The following KCNJ6 variants were observed in gnomAD, a reference collection of about 807,000 sequenced individuals.
KCNJ6 encodes potassium inwardly rectifying channel subfamily J member 6.
In KCNJ6, 9 loss-of-function variants were observed where a neutral mutation model predicts 34.2. That is an observed-to-expected ratio of 0.26 (90% CI 0.16 to 0.46). The LOEUF is 0.46. Ranked by LOEUF, KCNJ6 falls within the 20% of genes least tolerant of loss-of-function variation. The pLI is 1.00. For missense variants in KCNJ6, 236 were observed against 531.3 expected, an observed-to-expected ratio of 0.44 and a Z score of 5.46; for synonymous variants, 196 against 207.1, an observed-to-expected ratio of 0.95 and a Z score of 0.46.
At chr21:37,648,366 G>C (rs1293828756) in intron 3 of KCNJ6, among the ~76,000 whole-genome samples, 1 of 152,200 alleles carries the variant, frequency 6.6e-6, no homozygotes, top group Non-Finnish European at 1.5e-5. Context: ...TTCTCGGAAA[G>C]ATGATGGGGA....
At chr21:37,720,466 G>GAGTC (rs3988670) in intron 2 of KCNJ6, among the ~76,000 whole-genome samples, 37,943 of 151,862 alleles carry the variant, frequency 0.25, 4,836 homozygotes, top group East Asian at 0.36. Flanking sequence ...AGGACAAGTC[G>GAGTC]AGTCAGCTAT....
intron 2 of KCNJ6, among the ~76,000 whole-genome samples, chr21:37,732,049 C>T (rs979276102): frequency 6.6e-6 from 1 of 152,112 alleles, no homozygotes; most frequent in Admixed American, 6.6e-5. Flanking sequence ...GAGATGGCAG[C>T]GTGGCTGGGG....
intron 3 of KCNJ6, among the ~76,000 whole-genome samples, chr21:37,710,878 C>T (rs920154566): frequency 6.6e-6 from 1 of 152,204 alleles, no homozygotes; most frequent in Non-Finnish European, 1.5e-5. Context: ...AGATGAGACA[C>T]AGCCAACTCC....
chr21:37,704,835 C>CTT (rs58315508), intron 3 of KCNJ6, among the ~76,000 whole-genome samples: 1 of 150,318 alleles, frequency 6.7e-6, no homozygotes, highest in Non-Finnish European at 1.5e-5. Context: ...CAATGTTAAA[C>CTT]TTTTTTTTTT....
chr21:37,702,314 T>C (rs1317097826), intron 3 of KCNJ6, among the ~76,000 whole-genome samples: 5 of 150,710 alleles, frequency 3.3e-5, no homozygotes, highest in Non-Finnish European at 1.5e-5. Flanking sequence ...GATAGACCAG[T>C]TGAACGTCAC....
chr21:37,818,124 C>T (rs1187576535), intron 2 of KCNJ6, among the ~76,000 whole-genome samples: 1 of 152,054 alleles, frequency 6.6e-6, no homozygotes, highest in Non-Finnish European at 1.5e-5. Flanking sequence ...TCCTTATTTC[C>T]CAAACCCTAG....
intron 3 of KCNJ6, among the ~76,000 whole-genome samples, chr21:37,709,557 C>T (rs1017725418): frequency 9.2e-5 from 14 of 151,672 alleles, no homozygotes; most frequent in South Asian, 8.4e-4. Context: ...GGTGTCTTTT[C>T]TGGGTGCATT....
At chr21:37,706,087 A>G (rs1185423505) in intron 3 of KCNJ6, among the ~76,000 whole-genome samples, 1 of 152,158 alleles carries the variant, frequency 6.6e-6, no homozygotes, top group African/African-American at 2.4e-5. Context: ...TGGGAAGGGA[A>G]CACACTTTGG....
intron 2 of KCNJ6, among the ~76,000 whole-genome samples, chr21:37,742,522 A>AG (rs397828553): frequency 1.3e-5 from 2 of 150,614 alleles, no homozygotes; most frequent in Non-Finnish European, 3.0e-5. Flanking sequence ...AAAAAGAAAA[A>AG]CACCTTGTAT....
chr21:37,739,293 C>A (rs1268452373), intron 2 of KCNJ6, among the ~76,000 whole-genome samples: 1 of 152,132 alleles, frequency 6.6e-6, no homozygotes, highest in African/African-American at 2.4e-5. Context: ...AGGTGGCTGG[C>A]ATTATATTTC....
intron 2 of KCNJ6, among the ~76,000 whole-genome samples, chr21:37,780,520 C>A (rs1277790946): frequency 6.7e-6 from 1 of 149,478 alleles, no homozygotes; most frequent in South Asian, 2.1e-4. Flanking sequence ...ACAATCATAT[C>A]AAATGTTCCA....
At chr21:37,749,278 G>A (rs1007602349) in intron 2 of KCNJ6, among the ~76,000 whole-genome samples, 5 of 152,164 alleles carry the variant, frequency 3.3e-5, no homozygotes, top group Admixed American at 2.6e-4. Context: ...CGAGGAAGCC[G>A]GGTGTTTGCC....
At chr21:37,876,764 T>C (rs997843313) in intron 1 of KCNJ6, among the ~76,000 whole-genome samples, 4 of 152,052 alleles carry the variant, frequency 2.6e-5, no homozygotes, top group African/African-American at 7.2e-5. Context: ...CCAGCAACAA[T>C]TGGACAAGTT....
intron 1 of KCNJ6, among the ~76,000 whole-genome samples, chr21:37,863,094 G>C (rs913001471): frequency 6.6e-6 from 1 of 152,160 alleles, no homozygotes; most frequent in African/African-American, 2.4e-5. Context: ...GTAAAACTGA[G>C]GAAAGAGGAA....
chr21:37,620,257 T>C lies in KCNJ6; in HGVS notation c.*4902A>G, dbSNP rs1352927717. The C allele has an allele frequency of 1.3e-5, 2 of 152,148 alleles. No homozygotes were observed. The highest frequency in any genetic ancestry group is 4.8e-5 in the African/African-American group (2 of 41,434). The allele number at this position is 152,148 out of a possible 1,614,324, so 9.4% of individuals were successfully genotyped here. On this transcript the variant is annotated 3_prime_UTR_variant, in exon 4 of 4. Coordinates refer to ENST00000609713, the MANE Select transcript of KCNJ6 (RefSeq NM_002240.5). ...AGTACAGGGGTCAGCAAACTTTTTT[T>C]ATACAGGGCCAGATAGTAAATATTT...
chr21:37,830,514 C>T (rs554278476), intron 2 of KCNJ6, among the ~76,000 whole-genome samples: 15 of 152,026 alleles, frequency 9.9e-5, no homozygotes, highest in Non-Finnish European at 2.2e-4. Flanking sequence ...TACTGGCTTC[C>T]GGTGGGTTGA....
rs147661280 is a variant in KCNJ6, at chr21:37,824,362, T to A, written c.25+16296A>T. Among the ~76,000 whole-genome samples the A allele has an allele frequency of 2.1e-4, 32 of 152,268 alleles. No homozygotes were observed. The East Asian group carries it at 6.2e-3, about 29-fold the overall frequency. ...TTCAGCAGTTTTACTTCAACCTCTC[T>A]CCTCGTGTTCAACTCCTGTCAGAAA... On this transcript the variant is annotated intron_variant, in intron 2 of 3. Transcript: ENST00000609713.
chr21:37,753,754 C>A, intron 2 of KCNJ6, among the ~76,000 whole-genome samples: 1 of 152,268 alleles, frequency 6.6e-6, no homozygotes, highest in Middle Eastern at 3.4e-3. Context: ...GTTTTATAGG[C>A]GAGCCTTTGC....
At chr21:37,871,711 T>C (rs1243839790) in intron 1 of KCNJ6, among the ~76,000 whole-genome samples, 1 of 152,250 alleles carries the variant, frequency 6.6e-6, no homozygotes, top group Non-Finnish European at 1.5e-5. Context: ...GGTGGACTTC[T>C]AGATAAACAG....
Sources: allele counts gnomAD v4.1 joint callset (sites outside exome capture counted in the v4.1 genomes callset), GRCh38; gene constraint gnomAD v4.1.1; transcripts MANE v1.5; gene names NCBI Gene and HGNC (gene_info 2026-07-23, HGNC 2026-07-21).